CDH2: variants seen among roughly 807,000 people sequenced by gnomAD.
CDH2 encodes the protein cadherin 2, also known as cadherin-2.
A neutral mutation model predicts 92.0 loss-of-function variants in CDH2; 17 were observed. That is an observed-to-expected ratio of 0.18 (90% CI 0.13 to 0.28). The LOEUF (loss-of-function observed/expected upper bound fraction) is 0.28. Ranked by LOEUF, CDH2 falls within the 10% of genes least tolerant of loss-of-function variation. The pLI, the probability that CDH2 is intolerant of heterozygous loss-of-function variation, is 1.00. For synonymous variants in CDH2, 419 were observed against 415.9 expected, an observed-to-expected ratio of 1.01 and a Z score of -0.09; for missense variants, 862 against 1,133.1, an observed-to-expected ratio of 0.76 and a Z score of 3.44.
intron 15 of CDH2, among the ~76,000 whole-genome samples, chr18:27,953,855 T>C (rs1909583582): frequency 6.6e-6 from 1 of 152,160 alleles, no homozygotes; most frequent in South Asian, 2.1e-4. Context: ...GCTCAATGAA[T>C]ATTAGTTAGT....
At chr18:28,168,130 T>G (rs954697864) in intron 1 of CDH2, among the ~76,000 whole-genome samples, 1 of 152,172 alleles carries the variant, frequency 6.6e-6, no homozygotes, top group Non-Finnish European at 1.5e-5. Context: ...TATTTCAGAT[T>G]CCACTTAATA....
At chr18:28,002,080 A>G (rs536674373) in intron 7 of CDH2, among the ~76,000 whole-genome samples, 1 of 152,366 alleles carries the variant, frequency 6.6e-6, no homozygotes, top group East Asian at 1.9e-4. Context: ...AATGACCTTG[A>G]GAGTCTGTAA....
chr18:28,044,824 G>T (rs970456832), intron 2 of CDH2, among the ~76,000 whole-genome samples: 13 of 148,954 alleles, frequency 8.7e-5, no homozygotes, highest in African/African-American at 5.0e-5. Context: ...TTATACTGAA[G>T]ATTTTAAAAA....
chr18:28,035,427 ACC>A (rs1482765757), intron 2 of CDH2, among the ~76,000 whole-genome samples: 1 of 151,892 alleles, frequency 6.6e-6, no homozygotes, highest in African/African-American at 2.4e-5. Flanking sequence ...GTGTTTTCAA[ACC>A]CCTTGATGTT....
At chr18:28,121,855 G>A (rs998764311) in intron 2 of CDH2, among the ~76,000 whole-genome samples, 3 of 152,074 alleles carry the variant, frequency 2.0e-5, no homozygotes, top group Non-Finnish European at 2.9e-5. Context: ...GCAGCGAAGT[G>A]AGCAGGGCAG....
At chr18:28,043,461 A>AATAAATAAATATATATAT (rs1305925743) in intron 2 of CDH2, among the ~76,000 whole-genome samples, 1 of 71,992 alleles carries the variant, frequency 1.4e-5, no homozygotes, top group African/African-American at 5.8e-5. Flanking sequence ...GATATAAATA[A>AATAAATAAATATATATAT]ATATATATAT....
At chr18:28,015,707 C>T (rs1422928220) in intron 2 of CDH2, among the ~76,000 whole-genome samples, 1 of 152,130 alleles carries the variant, frequency 6.6e-6, no homozygotes. Context: ...TATTAATTGT[C>T]ATCCATAAAC....
intron 2 of CDH2, among the ~76,000 whole-genome samples, chr18:28,099,207 T>C (rs2015187896): frequency 6.6e-6 from 1 of 152,156 alleles, no homozygotes; most frequent in Non-Finnish European, 1.5e-5. Flanking sequence ...ACAAAATCCT[T>C]TACAATTTTG....
intron 2 of CDH2, among the ~76,000 whole-genome samples, chr18:28,137,604 A>C (rs1411822844): frequency 6.6e-6 from 1 of 152,082 alleles, no homozygotes; most frequent in Non-Finnish European, 1.5e-5. Context: ...AAAAACAAAA[A>C]CAAAAAACTG....
intron 2 of CDH2, among the ~76,000 whole-genome samples, chr18:28,039,612 A>G (rs974131306): frequency 6.6e-6 from 1 of 152,130 alleles, no homozygotes; most frequent in Non-Finnish European, 1.5e-5. Flanking sequence ...TCTAGCTCAC[A>G]CTTACTTTAT....
intron 4 of CDH2, among the ~76,000 whole-genome samples, chr18:28,010,943 T>A (rs2013081142): frequency 1.3e-5 from 2 of 151,696 alleles, no homozygotes; most frequent in South Asian, 4.2e-4. Flanking sequence ...CTGCCTGTTT[T>A]TTTTTTTTTT....
intron 1 of CDH2, chr18:28,168,648 A>C (rs1598523638): frequency 2.3e-6 from 1 of 442,194 alleles, no homozygotes; most frequent in African/African-American, 2.1e-5. Flanking sequence ...AACTTTTAAA[A>C]ACTGATTATG....
At chr18:28,103,684 ATGT>A (rs2015274330) in intron 2 of CDH2, among the ~76,000 whole-genome samples, 1 of 151,430 alleles carries the variant, frequency 6.6e-6, no homozygotes, top group Non-Finnish European at 1.5e-5. Flanking sequence ...CCAGTGTGTG[ATGT>A]TCCCCTCCCT....
intron 2 of CDH2, among the ~76,000 whole-genome samples, chr18:28,060,618 C>A (rs991360160): frequency 6.6e-6 from 1 of 152,130 alleles, no homozygotes. Flanking sequence ...TTTTTCAAAA[C>A]CATAAACAAA....
intron 2 of CDH2, among the ~76,000 whole-genome samples, chr18:28,114,689 G>A (rs2015466831): frequency 6.6e-6 from 1 of 151,984 alleles, no homozygotes; most frequent in Non-Finnish European, 1.5e-5. Context: ...GACGTTGTCT[G>A]GACCCGGTGT....
intron 2 of CDH2, among the ~76,000 whole-genome samples, chr18:28,096,510 C>T (rs1435496909): frequency 6.8e-6 from 1 of 147,610 alleles, no homozygotes; most frequent in African/African-American, 2.5e-5. Context: ...AAATACATAA[C>T]AACAAAAAAA....
At chr18:27,968,939 T>C (rs1373940882) in intron 14 of CDH2, among the ~76,000 whole-genome samples, 2 of 152,216 alleles carry the variant, frequency 1.3e-5, no homozygotes, top group Non-Finnish European at 2.9e-5. Flanking sequence ...TCTCACCCTC[T>C]ATAGCTCCCG....
intron 2 of CDH2, among the ~76,000 whole-genome samples, chr18:28,016,372 A>G (rs2144044640): frequency 6.6e-6 from 1 of 152,280 alleles, no homozygotes; most frequent in South Asian, 2.1e-4. Flanking sequence ...ACTTTTTCAA[A>G]AAGTAGGAAA....
At chr18:27,959,808 T>A (rs1423381813) in intron 15 of CDH2, among the ~76,000 whole-genome samples, 1 of 152,164 alleles carries the variant, frequency 6.6e-6, no homozygotes, top group Admixed American at 6.5e-5. Flanking sequence ...TGAAGATATT[T>A]GATTGCTCCT....
Sources: gnomAD v4.1 joint callset for allele counts (sites outside exome capture counted in the v4.1 genomes callset) on GRCh38, gnomAD v4.1.1 for gene constraint, MANE v1.5 for transcripts, NCBI Gene and HGNC (gene_info 2026-07-23, HGNC 2026-07-21) for gene names.